The following SLC39A8 variants were observed in gnomAD, a reference collection of about 807,000 sequenced individuals.
SLC39A8 encodes the protein solute carrier family 39 member 8.
In SLC39A8, 15 loss-of-function variants were observed where a neutral mutation model predicts 40.4. The observed-to-expected ratio is 0.37, with a 90% CI of 0.25 to 0.57. The LOEUF is 0.57. Ranked by LOEUF, SLC39A8 falls within the 20% of genes least tolerant of loss-of-function variation. SLC39A8 has a pLI of 0.75. For missense variants in SLC39A8, 472 were observed against 558.8 expected (o/e 0.84, Z 1.57); for synonymous variants, 223 against 221.6 (o/e 1.01, Z -0.06).
chr4:102,288,360 C>A (rs748650530), intron 6 of SLC39A8, among the ~76,000 whole-genome samples: 1 of 151,958 alleles, frequency 6.6e-6, no homozygotes, highest in Non-Finnish European at 1.5e-5. Context: ...CTGACTGCTC[C>A]GGTGACCAGC....
intron 2 of SLC39A8, among the ~76,000 whole-genome samples, chr4:102,340,290 A>G (rs1268768278): frequency 5.3e-5 from 8 of 152,338 alleles, no homozygotes; most frequent in African/African-American, 1.9e-4. Context: ...TTATAGCCAC[A>G]TAAGCAGAAA....
chr4:102,344,009 G>T (rs1049801186), intron 2 of SLC39A8, among the ~76,000 whole-genome samples: 1 of 152,104 alleles, frequency 6.6e-6, no homozygotes, highest in African/African-American at 2.4e-5. Flanking sequence ...CACTGGTTAC[G>T]CACCGGGCAA....
chr4:102,328,565 G>T (rs564449125), intron 2 of SLC39A8, among the ~76,000 whole-genome samples: 44 of 152,260 alleles, frequency 2.9e-4, no homozygotes, highest in Non-Finnish European at 4.9e-4. Flanking sequence ...AGTTAAAAAG[G>T]TTGAAGTTAT....
intron 6 of SLC39A8, among the ~76,000 whole-genome samples, chr4:102,302,343 T>C (rs577529501): frequency 1.9e-4 from 29 of 152,122 alleles, no homozygotes; most frequent in African/African-American, 6.7e-4. Context: ...ACCTCTTGAA[T>C]GACTTGTCAG....
At chr4:102,281,701 A>T (rs1182843355) in intron 6 of SLC39A8, among the ~76,000 whole-genome samples, 3 of 152,120 alleles carry the variant, frequency 2.0e-5, no homozygotes, top group African/African-American at 7.2e-5. Context: ...TGCAAGGGGC[A>T]ACTGGCACCC....
At chr4:102,316,367 T>G (rs1457877388) in intron 2 of SLC39A8, among the ~76,000 whole-genome samples, 1 of 152,178 alleles carries the variant, frequency 6.6e-6, no homozygotes, top group Non-Finnish European at 1.5e-5. Context: ...TTGCACAAAC[T>G]GTTTTTCATT....
intron 2 of SLC39A8, among the ~76,000 whole-genome samples, chr4:102,337,373 A>G (rs1197199649): frequency 6.6e-6 from 1 of 152,200 alleles, no homozygotes; most frequent in Non-Finnish European, 1.5e-5. Flanking sequence ...TCCCAAGATA[A>G]GAATAAATCA....
At chr4:102,260,577 G>C (rs1180628648), downstream of SLC39A8, among the ~76,000 whole-genome samples, 4 of 152,204 alleles carry the variant, frequency 2.6e-5, no homozygotes, top group Admixed American at 1.3e-4. Flanking sequence ...ACAAGTTAAA[G>C]ATGGCAGAGC....
chr4:102,312,879 G>C (rs1446892542), intron 3 of SLC39A8, among the ~76,000 whole-genome samples: 4 of 152,120 alleles, frequency 2.6e-5, no homozygotes, highest in Admixed American at 2.6e-4. Flanking sequence ...TTTGAGCCCA[G>C]GTAAACTGGC....
At chr4:102,261,126 C>A (rs976898595), downstream of SLC39A8, among the ~76,000 whole-genome samples, 1 of 83,930 alleles carries the variant, frequency 1.2e-5, no homozygotes, top group Non-Finnish European at 2.4e-5. Context: ...GTAGTAACAT[C>A]AGTGTTGGAG....
chr4:102,281,236 T>C (rs145030078), intron 6 of SLC39A8, among the ~76,000 whole-genome samples: 196 of 152,282 alleles, frequency 1.3e-3, no homozygotes, highest in African/African-American at 4.5e-3. Flanking sequence ...CAATGTAAGT[T>C]GGAGAAATCA....
chr4:102,270,991 G>A (rs1732336344), intron 6 of SLC39A8, among the ~76,000 whole-genome samples: 1 of 152,014 alleles, frequency 6.6e-6, no homozygotes, highest in Admixed American at 6.6e-5. Flanking sequence ...GGAGGCCTGG[G>A]GGAATAGGGA....
intron 6 of SLC39A8, among the ~76,000 whole-genome samples, chr4:102,279,625 C>T (rs889658367): frequency 2.6e-5 from 4 of 152,102 alleles, no homozygotes; most frequent in Admixed American, 1.3e-4. Context: ...AAGGTATTGT[C>T]GATGGGGGGG....
Position 102,263,143 on chromosome 4 carries a change from G to T in SLC39A8, c.1284C>A (p.Thr428=). ...TCTGAATCATGAAGAAGGTGAAATC[G>T]GTTTTTCTTCCAGTTACCTTTTCTC... ...MLREKVTGRK[T]DFTFFMIQNA... is the part of the protein sequence containing the mutation. The change falls in exon 9 of 9, where the codon ACC becomes ACA. Residue 428 remains threonine, a synonymous_variant. Coordinates refer to ENST00000356736, the MANE Select transcript of SLC39A8 (RefSeq NM_001135146.2). 2 of 1,613,634 alleles carry T rather than the reference G, an allele frequency of 1.2e-6. No individual in the cohort carries two copies. Among genetic ancestry groups the T allele is most frequent in the Non-Finnish European group, 1.7e-6 (2 of 1,179,714 alleles).
chr4:102,313,843 C>G (rs1734545984), intron 3 of SLC39A8, among the ~76,000 whole-genome samples: 1 of 152,048 alleles, frequency 6.6e-6, no homozygotes, highest in Admixed American at 6.6e-5. Flanking sequence ...CTGCCTTGGC[C>G]TCCCAAAGTG....
chr4:102,298,981 C>T (rs1406889762), intron 6 of SLC39A8, among the ~76,000 whole-genome samples: 2 of 150,244 alleles, frequency 1.3e-5, no homozygotes, highest in African/African-American at 4.9e-5. Flanking sequence ...TGTGGCAAGG[C>T]AGCCACCCCA....
chr4:102,257,423 A>G (rs1018558275), downstream of SLC39A8, among the ~76,000 whole-genome samples: 1 of 152,258 alleles, frequency 6.6e-6, no homozygotes, highest in Admixed American at 6.5e-5. Context: ...AAGGAAAACA[A>G]GCTGGGCCTT....
At chr4:102,338,430 C>G (rs2149056072) in intron 2 of SLC39A8, among the ~76,000 whole-genome samples, 1 of 152,230 alleles carries the variant, frequency 6.6e-6, no homozygotes, top group Non-Finnish European at 1.5e-5. Flanking sequence ...TTGTGATCTG[C>G]CCCCCTCAGC....
chr4:102,339,469 G>C (rs1735818708), intron 2 of SLC39A8, among the ~76,000 whole-genome samples: 1 of 152,142 alleles, frequency 6.6e-6, no homozygotes, highest in African/African-American at 2.4e-5. Context: ...CATGTTTGCA[G>C]TATCCACACA....
Sources: allele counts gnomAD v4.1 joint callset (sites outside exome capture counted in the v4.1 genomes callset), GRCh38; gene constraint gnomAD v4.1.1; transcripts MANE v1.5; gene names NCBI Gene and HGNC (gene_info 2026-07-23, HGNC 2026-07-21).